Variants in CADM2 observed in about 807,000 individuals in gnomAD.
The protein encoded by CADM2 is cell adhesion molecule 2.
A neutral mutation model predicts 49.8 loss-of-function variants in CADM2; 12 were observed. The observed-to-expected ratio is 0.24, with a 90% confidence interval of 0.15 to 0.39. The LOEUF is 0.39. Ranked by LOEUF, CADM2 falls within the 10% of genes least tolerant of loss-of-function variation. The probability of loss-of-function intolerance (pLI) is 1.00; values close to 1 mark genes in which losing one functional copy is unlikely to be tolerated. For missense variants in CADM2, 378 were observed against 492.3 expected, an observed-to-expected ratio of 0.77 and a Z score of 2.20; for synonymous variants, 214 against 175.4, an observed-to-expected ratio of 1.22 and a Z score of -1.74.
intron 1 of CADM2, among the ~76,000 whole-genome samples, chr3:85,327,463 C>T (rs1007545796): frequency 1.3e-5 from 2 of 150,774 alleles, no homozygotes; most frequent in Non-Finnish European, 3.0e-5. Flanking sequence ...GCTATGTTGG[C>T]CAGGCTGTAA....
rs531895724 is a variant in CADM2 at position 85,697,435 on chromosome 3, A to G, written c.62-29087A>G. Among the ~76,000 whole-genome samples, 27 of 152,196 alleles carry G rather than the reference A, an allele frequency of 1.8e-4. No homozygotes were observed. In the South Asian group the frequency reaches 5.4e-3, roughly 30 times the overall value. On this transcript the variant is annotated intron_variant, in intron 1 of 9. Transcript: ENST00000383699. ...ATATTGTCAAAATAATCCAATCCCA[A>G]TTTATTTTCTTCTCTTAATTGAATA...
At chr3:85,784,528 A>G (rs1055297753) in intron 2 of CADM2, among the ~76,000 whole-genome samples, 35 of 128,690 alleles carry the variant, frequency 2.7e-4, no homozygotes, top group African/African-American at 1.2e-3. Flanking sequence ...ATCTAAATAT[A>G]TTTATCTATC....
chr3:85,603,701 T>C (rs1014789242), intron 1 of CADM2, among the ~76,000 whole-genome samples: 3 of 151,888 alleles, frequency 2.0e-5, no homozygotes, highest in African/African-American at 7.2e-5. Context: ...TGGTGTCATT[T>C]CACCTTGAGA....
At chr3:85,364,454 G>C (rs1359967141) in intron 1 of CADM2, among the ~76,000 whole-genome samples, 1 of 152,112 alleles carries the variant, frequency 6.6e-6, no homozygotes, top group African/African-American at 2.4e-5. Flanking sequence ...AAACACTATA[G>C]ATATCCATCA....
chr3:85,627,163 T>C (rs557891331), intron 1 of CADM2, among the ~76,000 whole-genome samples: 19 of 152,026 alleles, frequency 1.2e-4, no homozygotes, highest in Middle Eastern at 3.4e-3. Context: ...GTCTGATACT[T>C]ACAGTCAACA....
At chr3:85,159,275 G>T (rs2040241095) in intron 1 of CADM2, among the ~76,000 whole-genome samples, 1 of 152,178 alleles carries the variant, frequency 6.6e-6, no homozygotes, top group Non-Finnish European at 1.5e-5. Context: ...AACCACAGGG[G>T]TTGCAGGAGA....
chr3:85,875,129 A>G (rs1711635239), intron 3 of CADM2, among the ~76,000 whole-genome samples: 1 of 152,150 alleles, frequency 6.6e-6, no homozygotes, highest in Admixed American at 6.6e-5. Flanking sequence ...GGTTGTCTTT[A>G]CCAATTTTCC....
chr3:85,657,618 A>G (rs1253548473), intron 1 of CADM2, among the ~76,000 whole-genome samples: 2 of 150,728 alleles, frequency 1.3e-5, no homozygotes, highest in Non-Finnish European at 3.0e-5. Context: ...AAATATTTAT[A>G]GCAACAATTA....
intron 1 of CADM2, among the ~76,000 whole-genome samples, chr3:85,292,753 C>T (rs1490665318): frequency 1.3e-5 from 2 of 152,066 alleles, no homozygotes; most frequent in South Asian, 2.1e-4. Flanking sequence ...AGAACAAAGA[C>T]ACAACATACC....
Position 85,377,108 on chromosome 3 carries a change from C to T in CADM2, c.62-349414C>T, listed in dbSNP as rs556750455. On this transcript the variant is annotated intron_variant, in intron 1 of 9. Coordinates refer to ENST00000383699, the MANE Select transcript of CADM2 (RefSeq NM_001167675.2). ...TGTAATAAGAGCTTATACTAATGAA[C>T]ATGATAGTTGGTTAATGAAGAATGC... is the stretch of plus-strand genomic sequence containing the variant. Among the ~76,000 whole-genome samples, 337 of 152,138 alleles carry T rather than the reference C, an allele frequency of 2.2e-3. 1 individual carries two copies. The highest frequency in any genetic ancestry group is 7.8e-3 in the African/African-American group (324 of 41,538).
chr3:85,783,560 A>G (rs962947429), intron 2 of CADM2, among the ~76,000 whole-genome samples: 2 of 152,178 alleles, frequency 1.3e-5, no homozygotes, highest in South Asian at 2.1e-4. Flanking sequence ...ACCCTGCCAT[A>G]TGAGTCCATA....
At chr3:85,839,946 A>G (rs1318354795) in intron 3 of CADM2, among the ~76,000 whole-genome samples, 1 of 151,842 alleles carries the variant, frequency 6.6e-6, no homozygotes, top group Non-Finnish European at 1.5e-5. Context: ...GCCATGTCTT[A>G]TTTCTCACAG....
intron 2 of CADM2, among the ~76,000 whole-genome samples, chr3:85,790,707 ATC>A (rs2071272097): frequency 6.6e-6 from 1 of 152,176 alleles, no homozygotes; most frequent in African/African-American, 2.4e-5. Context: ...GAAGCTGCCA[ATC>A]TGGCACTGTT....
intron 8 of CADM2, among the ~76,000 whole-genome samples, chr3:85,969,072 G>C (rs1437617572): frequency 6.6e-6 from 1 of 151,206 alleles, no homozygotes; most frequent in South Asian, 2.1e-4. Context: ...ATCCTCTCTG[G>C]CTTAGACTAG....
intron 1 of CADM2, among the ~76,000 whole-genome samples, chr3:85,693,583 A>AAC (rs1425494221): frequency 2.1e-5 from 3 of 144,432 alleles, no homozygotes; most frequent in East Asian, 4.1e-4. Context: ...AAAAAAAAAA[A>AAC]AGAAAAGAAA....
chr3:85,460,569 C>A (rs1250243685), intron 1 of CADM2, among the ~76,000 whole-genome samples: 2 of 152,068 alleles, frequency 1.3e-5, no homozygotes, highest in Non-Finnish European at 2.9e-5. Flanking sequence ...TTGTGAGATG[C>A]CTTTAAAGTC....
intron 3 of CADM2, among the ~76,000 whole-genome samples, chr3:85,819,274 A>T (rs1577390865): frequency 6.6e-6 from 1 of 152,244 alleles, no homozygotes; most frequent in Non-Finnish European, 1.5e-5. Flanking sequence ...GTGCCCACCC[A>T]CATTGAGAGT....
chr3:85,950,609 C>T (rs1313896228), intron 7 of CADM2, among the ~76,000 whole-genome samples: 2 of 151,096 alleles, frequency 1.3e-5, no homozygotes, highest in Non-Finnish European at 3.0e-5. Context: ...GAGCACTTAC[C>T]TCTTTCTTGC....
At chr3:85,428,715 C>A (rs1251923590) in intron 1 of CADM2, among the ~76,000 whole-genome samples, 1 of 147,058 alleles carries the variant, frequency 6.8e-6, no homozygotes, top group Non-Finnish European at 1.5e-5. Flanking sequence ...AATACATATT[C>A]CCATAGGTGA....
Sources: gnomAD v4.1 joint callset for allele counts (sites outside exome capture counted in the v4.1 genomes callset) on GRCh38, gnomAD v4.1.1 for gene constraint, MANE v1.5 for transcripts, NCBI Gene and HGNC (gene_info 2026-07-23, HGNC 2026-07-21) for gene names.